The following IGSF10 variants were observed in gnomAD, a reference collection of about 807,000 sequenced individuals.
IGSF10 encodes the protein immunoglobulin superfamily member 10.
Under a neutral mutation model 128.2 loss-of-function variants are expected in IGSF10, and 126 were observed. The ratio of observed to expected loss-of-function variants is 0.98; its 90% CI spans 0.85 to 1.14. The LOEUF (loss-of-function observed/expected upper bound fraction) is 1.14. Among genes scored for constraint, IGSF10 ranks in the 50% most tolerant of loss-of-function variants. The pLI is 0.00. For synonymous variants in IGSF10, 1,185 were observed against 1,146.2 expected, an observed-to-expected ratio of 1.03 and a Z score of -0.68; for missense variants, 3,295 against 3,149.8, an observed-to-expected ratio of 1.05 and a Z score of -1.10.
intron 3 of IGSF10, 75 bp from the exon 4 acceptor site, chr3:151,457,230 C>T (rs1182867130): frequency 7.3e-7 from 1 of 1,374,058 alleles, no homozygotes; most frequent in Admixed American, 1.9e-5. Flanking sequence ...CCAAAATAAA[C>T]ACAAGAAAAC....
At chr3:151,518,825 A>C in the IGSF10 span, among the ~76,000 whole-genome samples, 1 of 152,044 alleles carries the variant, frequency 6.6e-6, no homozygotes, top group South Asian at 2.1e-4. Flanking sequence ...AAAATGTCAA[A>C]GAAGGAGACG....
the IGSF10 span, among the ~76,000 whole-genome samples, chr3:151,562,746 T>C: frequency 1.3e-5 from 2 of 152,008 alleles, no homozygotes; most frequent in East Asian, 1.9e-4. Context: ...CAGACCCCTA[T>C]TGACTCCAGT....
At chr3:151,479,746 A>G in the IGSF10 span, among the ~76,000 whole-genome samples, 2 of 152,206 alleles carry the variant, frequency 1.3e-5, no homozygotes, top group African/African-American at 2.4e-5. Flanking sequence ...GGGAATATGG[A>G]AAATATAGCT....
At chr3:151,465,230 C>T (rs566061859), upstream of IGSF10, among the ~76,000 whole-genome samples, 3 of 152,178 alleles carry the variant, frequency 2.0e-5, no homozygotes, top group African/African-American at 4.8e-5. Context: ...TTGTTAGTGA[C>T]ATCCAAGGAT....
At chr3:151,450,165 A>T (rs1721443771) in intron 5 of IGSF10, among the ~76,000 whole-genome samples, 1 of 152,192 alleles carries the variant, frequency 6.6e-6, no homozygotes, top group Non-Finnish European at 1.5e-5. Context: ...TGTCTTTCAA[A>T]TATTTGGATA....
chr3:151,436,289 T>G lies in IGSF10; in HGVS notation c.*400A>C, dbSNP rs1232829528. Reference sequence around the variant, plus strand: ...AAATTTACATCATAAAGATTGCAGATTTAATATTTTCCATTGTCTCTGTTC... The same window carrying G: ...AAATTTACATCATAAAGATTGCAGAGTTAATATTTTCCATTGTCTCTGTTC... On this transcript the variant is annotated 3_prime_UTR_variant, in exon 8 of 8. Coordinates refer to ENST00000282466, the MANE Select transcript of IGSF10 (RefSeq NM_178822.5). 4.4e-5 allele frequency: 7 copies of G among 159,104 alleles called. No individual in the cohort carries two copies. The highest frequency in any genetic ancestry group is 3.6e-4 in the Admixed American group (6 of 16,792). The allele number at this position is 159,104 out of a possible 1,614,324, so 9.9% of individuals were successfully genotyped here. A position where few individuals can be genotyped will look rare whatever the true frequency, so the allele number is the denominator to read the frequency against.
Position 151,447,342 on chromosome 3 carries a change from CTTGACATGGTTGGGTTTATATTCT to C in IGSF10, c.2615_2638del (p.Lys872_Ser879del). ...TTGATTGGTTGTGCCTTGTATTTGG[CTTGACATGGTTGGGTTTATATTCT>C]TTGACATGGCTGTAGTTTTAATAGC... On this transcript the variant is annotated inframe_deletion, in exon 6 of 8. Coordinates refer to ENST00000282466, the MANE Select transcript of IGSF10 (RefSeq NM_178822.5). The C allele has an allele frequency of 1.2e-6, 2 of 1,614,152 alleles. No homozygotes were observed. The highest frequency in any genetic ancestry group is 1.6e-4 in the Middle Eastern group (1 of 6,062).
At chr3:151,479,853 G>A in the IGSF10 span, among the ~76,000 whole-genome samples, 1 of 151,980 alleles carries the variant, frequency 6.6e-6, no homozygotes, top group Non-Finnish European at 1.5e-5. Context: ...ATTTACATCA[G>A]TGACATTTCT....
the IGSF10 span, among the ~76,000 whole-genome samples, chr3:151,555,271 T>C: frequency 1.3e-5 from 2 of 152,128 alleles, no homozygotes; most frequent in African/African-American, 4.8e-5. Context: ...AATGGTCAAC[T>C]ATCTTTTATT....
chr3:151,535,890 CG>C, the IGSF10 span, among the ~76,000 whole-genome samples: 24 of 152,154 alleles, frequency 1.6e-4, no homozygotes, highest in Non-Finnish European at 1.5e-5. Flanking sequence ...TTGATGGCTT[CG>C]CAGTTTCTTT....
At chr3:151,568,540 T>C in the IGSF10 span, among the ~76,000 whole-genome samples, 1 of 152,210 alleles carries the variant, frequency 6.6e-6, no homozygotes, top group Non-Finnish European at 1.5e-5. Flanking sequence ...CACAGAGTTC[T>C]CTTTCTTTAT....
chr3:151,460,453 A>G (rs1721997518), intron 1 of IGSF10, 106 bp from the exon 2 acceptor site: 1 of 171,986 alleles, frequency 5.8e-6, no homozygotes, highest in African/African-American at 2.4e-5. Context: ...CCGCTTCCAC[A>G]GCTTCAAAGT....
rs1407405465 is a variant in IGSF10 at position 151,446,603 on chromosome 3, T to C, written c.3378A>G (p.Ile1126Met). 1.2e-6 allele frequency: 2 copies of C among 1,614,196 alleles called. No homozygotes were observed. The highest frequency in any genetic ancestry group is 1.7e-5 in the Admixed American group (1 of 60,028). ...KPSVEKTTPT[I>M]KYFRTEISQV... ...GGGAAATTTCAGTCCTGAAATATTT[T>C]ATTGTGGGTGTTGTTTTCTCTACAC... is the stretch of plus-strand genomic sequence containing the variant. Residue 1126 changes from isoleucine (I) to methionine (M), a missense_variant, in exon 6 of 8, where the codon ATA becomes ATG. By Grantham distance (10) the Ile-to-Met change is conservative. Coordinates refer to ENST00000282466, the MANE Select transcript of IGSF10 (RefSeq NM_178822.5).
At chr3:151,529,923 A>C in the IGSF10 span, among the ~76,000 whole-genome samples, 3 of 152,056 alleles carry the variant, frequency 2.0e-5, no homozygotes, top group Non-Finnish European at 4.4e-5. Context: ...GAGTTAAAGG[A>C]ACATGTCCTA....
At position 151,448,866 on chromosome 3, in the gene IGSF10, T is replaced by A; in HGVS notation, c.1115A>T (p.Gln372Leu). Residue 372 changes from glutamine (Q) to leucine (L), a missense_variant, in exon 6 of 8, where the codon CAG (glutamine) becomes CTG (leucine). Transcript: ENST00000282466. ...CAAAGCCAAAATTTGCCACACTGGC[T>A]GAATGTGACCGTAATCTATGTTGCA... ...LVCNIDYGHI[Q>L]PVWQILALYS... 6.2e-7 allele frequency: 1 copy of A among 1,614,208 alleles called. No homozygotes were observed. Among genetic ancestry groups the A allele is most frequent in the Non-Finnish European group, 8.5e-7 (1 of 1,180,006 alleles).
the IGSF10 span, among the ~76,000 whole-genome samples, chr3:151,587,925 A>G: frequency 1.3e-5 from 2 of 152,236 alleles, no homozygotes; most frequent in Admixed American, 6.5e-5. Context: ...CCCCAGCCAC[A>G]TGGAACTGTA....
chr3:151,521,041 C>G, the IGSF10 span, among the ~76,000 whole-genome samples: 2 of 151,556 alleles, frequency 1.3e-5, no homozygotes, highest in African/African-American at 2.4e-5. Flanking sequence ...GAAAAATTTA[C>G]CAAGCAAATG....
At chr3:151,526,311 G>A in the IGSF10 span, among the ~76,000 whole-genome samples, 1 of 151,378 alleles carries the variant, frequency 6.6e-6, no homozygotes, top group African/African-American at 2.4e-5. Context: ...CTTTCTTCTT[G>A]TCATTTTTCT....
chr3:151,443,827 G>GTACC lies in IGSF10; in HGVS notation c.5116_5119dup (p.Thr1707ArgfsTer67), dbSNP rs767089242. ...AATTTCCACCCTCTGGATGGACAGG[G>GTACC]TACCATTGGGGAGAACCTGGACCCT... On this transcript the variant is annotated frameshift_variant, in exon 7 of 8. Coordinates refer to ENST00000282466, the MANE Select transcript of IGSF10 (RefSeq NM_178822.5). LOFTEE classifies it high-confidence loss of function. 12 of 1,613,972 alleles carry GTACC rather than the reference G, an allele frequency of 7.4e-6. No homozygotes were observed. The highest frequency in any genetic ancestry group is 1.0e-5 in the Non-Finnish European group (12 of 1,179,884).
Sources: allele counts gnomAD v4.1 joint callset (sites outside exome capture counted in the v4.1 genomes callset), GRCh38; gene constraint gnomAD v4.1.1; transcripts MANE v1.5; gene names NCBI Gene and HGNC (gene_info 2026-07-23, HGNC 2026-07-21).